The following SPAG17 variants were observed in gnomAD, a reference collection of about 807,000 sequenced individuals.
The protein encoded by SPAG17 is sperm associated antigen 17.
Under a neutral mutation model 273.6 loss-of-function variants are expected in SPAG17, and 169 were observed. The ratio of observed to expected loss-of-function variants is 0.62; its 90% confidence interval spans 0.55 to 0.70. The LOEUF (loss-of-function observed/expected upper bound fraction) is 0.70. Ranked by LOEUF, SPAG17 falls within the 30% of genes least tolerant of loss-of-function variation. The pLI is 0.00. For missense variants in SPAG17, 2,557 were observed against 2,627.8 expected (o/e 0.97, Z 0.59); for synonymous variants, 825 against 873.2 (o/e 0.94, Z 0.97).
At chr1:118,095,978 C>T (rs1160483118) in intron 7 of SPAG17, among the ~76,000 whole-genome samples, 1 of 152,168 alleles carries the variant, frequency 6.6e-6, no homozygotes, top group Non-Finnish European at 1.5e-5. Flanking sequence ...TAGTCTTTCC[C>T]AGAACCAGCT....
chr1:118,148,157 G>A (rs1259559075), intron 3 of SPAG17, among the ~76,000 whole-genome samples: 1 of 152,180 alleles, frequency 6.6e-6, no homozygotes, highest in Non-Finnish European at 1.5e-5. Context: ...TTTCCTTTGA[G>A]AAATGGGATG....
At chr1:118,078,903 A>T (rs1215667654) in intron 15 of SPAG17, among the ~76,000 whole-genome samples, 1 of 152,020 alleles carries the variant, frequency 6.6e-6, no homozygotes, top group Non-Finnish European at 1.5e-5. Context: ...TATCCCTGTT[A>T]TAAATGCAAC....
chr1:118,130,505 T>A (rs750142297), intron 3 of SPAG17, among the ~76,000 whole-genome samples: 7 of 152,162 alleles, frequency 4.6e-5, no homozygotes, highest in Non-Finnish European at 1.0e-4. Context: ...ACTGGGATAG[T>A]CCCTGGCACC....
At chr1:117,996,014 G>A (rs1177790685) in intron 34 of SPAG17, among the ~76,000 whole-genome samples, 1 of 151,942 alleles carries the variant, frequency 6.6e-6, no homozygotes, top group Non-Finnish European at 1.5e-5. Context: ...GAATTTACAA[G>A]AGATATCTCA....
chr1:118,167,105 CA>C, intron 1 of SPAG17, among the ~76,000 whole-genome samples: 1 of 152,162 alleles, frequency 6.6e-6, no homozygotes, highest in South Asian at 2.1e-4. Context: ...ATTTTTATTT[CA>C]AAAACTTTAA....
chr1:118,062,721 A>C (rs181305085), intron 18 of SPAG17, among the ~76,000 whole-genome samples: 1 of 152,282 alleles, frequency 6.6e-6, no homozygotes, highest in Admixed American at 6.5e-5. Flanking sequence ...GGAATTTTTG[A>C]CCAAGTCCTC....
At chr1:117,954,342 A>G (rs933233358) in intron 48 of SPAG17, among the ~76,000 whole-genome samples, 10 of 152,098 alleles carry the variant, frequency 6.6e-5, no homozygotes, top group East Asian at 3.8e-4. Context: ...CCCACGTTCT[A>G]TGTTGGTTTG....
chr1:118,062,005 T>C (rs12069098), intron 18 of SPAG17, among the ~76,000 whole-genome samples: 1 of 151,910 alleles, frequency 6.6e-6, no homozygotes, highest in Non-Finnish European at 1.5e-5. Context: ...CTAAATTTTT[T>C]AAAAAATCCC....
rs1047534346 is a variant in SPAG17, at chr1:118,034,634, T to C, written c.3433+2136A>G. Reference sequence around the variant, plus strand: ...TGGTGCACATGTCAGGAGAAAGTATTCTGAGTAGTGGTACAGCATGAGAAA... The same window carrying C: ...TGGTGCACATGTCAGGAGAAAGTATCCTGAGTAGTGGTACAGCATGAGAAA... On this transcript the variant is annotated intron_variant, in intron 24 of 48. Coordinates refer to ENST00000336338, the MANE Select transcript of SPAG17 (RefSeq NM_206996.4). Among the ~76,000 whole-genome samples the C allele has an allele frequency of 2.6e-5, 4 of 152,310 alleles. No homozygotes were observed. The South Asian group carries it at 8.3e-4, about 32-fold the overall frequency.
intron 3 of SPAG17, among the ~76,000 whole-genome samples, chr1:118,141,638 T>C (rs1361966523): frequency 6.6e-6 from 1 of 152,192 alleles, no homozygotes; most frequent in Non-Finnish European, 1.5e-5. Flanking sequence ...TTGGTGACTG[T>C]GAACAAATCA....
At chr1:117,975,999 T>G (rs1452032018) in intron 43 of SPAG17, among the ~76,000 whole-genome samples, 1 of 152,228 alleles carries the variant, frequency 6.6e-6, no homozygotes, top group Admixed American at 6.5e-5. Flanking sequence ...CCCTGTGATG[T>G]ATATAGCATT....
At chr1:117,997,907 T>C (rs892121223) in intron 32 of SPAG17, among the ~76,000 whole-genome samples, 3 of 152,180 alleles carry the variant, frequency 2.0e-5, no homozygotes, top group African/African-American at 4.8e-5. Context: ...CAAGTGGCCA[T>C]AGTTTGCCAA....
intron 44 of SPAG17, 74 bp downstream of exon 44, chr1:117,973,351 G>T: frequency 6.4e-7 from 1 of 1,552,334 alleles, no homozygotes; most frequent in Non-Finnish European, 8.7e-7. Flanking sequence ...GAGCAGGATT[G>T]AAAAAAATAA....
At chr1:118,074,388 G>A (rs866989637) in intron 16 of SPAG17, 151 bp downstream of exon 16, 11 of 717,054 alleles carry the variant, frequency 1.5e-5, no homozygotes, top group Admixed American at 2.3e-5. Flanking sequence ...AGTTGGAGCT[G>A]CTCTGGGGAT....
intron 15 of SPAG17, among the ~76,000 whole-genome samples, chr1:118,074,948 A>G (rs1653954647): frequency 6.6e-6 from 1 of 152,212 alleles, no homozygotes; most frequent in African/African-American, 2.4e-5. Flanking sequence ...TTCTTAGTAC[A>G]CATGATTTGT....
intron 3 of SPAG17, among the ~76,000 whole-genome samples, chr1:118,127,880 T>C (rs71670822): frequency 0.042 from 6,323 of 152,214 alleles, 194 homozygotes; most frequent in Middle Eastern, 0.095. Context: ...TCCTAGCACT[T>C]TGGGAGGCCA....
At chr1:118,136,465 CA>C (rs1658363212) in intron 3 of SPAG17, among the ~76,000 whole-genome samples, 2 of 152,246 alleles carry the variant, frequency 1.3e-5, no homozygotes, top group Admixed American at 6.5e-5. Flanking sequence ...AATGGGTTAA[CA>C]TTCTAAAAAT....
chr1:117,994,799 A>G (rs1288235340), intron 34 of SPAG17, among the ~76,000 whole-genome samples: 1 of 152,070 alleles, frequency 6.6e-6, no homozygotes, highest in Non-Finnish European at 1.5e-5. Flanking sequence ...AAGTTCTGTC[A>G]GTTCTCCCAA....
In SPAG17 at chr1:117,999,906, T is replaced by C. The variant is rs370456890; in HGVS notation, c.4777-3163A>G. On this transcript the variant is annotated intron_variant, in intron 32 of 48. Coordinates refer to ENST00000336338, the MANE Select transcript of SPAG17 (RefSeq NM_206996.4). ...GTCATGAAGTACTTGCCCATGCCTATGTCCTGAATGGTATTGCCTAGGTTT... is the reference window on the plus strand; with the variant it reads ...GTCATGAAGTACTTGCCCATGCCTACGTCCTGAATGGTATTGCCTAGGTTT... Among the ~76,000 whole-genome samples the C allele has an allele frequency of 3.5e-4, 54 of 152,370 alleles. No individual in the cohort carries two copies. The East Asian group carries it at 7.1e-3, about 20-fold the overall frequency.
Sources: allele counts gnomAD v4.1 joint callset (sites outside exome capture counted in the v4.1 genomes callset), GRCh38; gene constraint gnomAD v4.1.1; transcripts MANE v1.5; gene names NCBI Gene and HGNC (gene_info 2026-07-23, HGNC 2026-07-21).